The following CD84 variants were observed in gnomAD, a reference collection of about 807,000 sequenced individuals.
CD84 encodes the protein CD84 molecule.
In CD84, 22 loss-of-function variants were observed where a neutral mutation model predicts 33.8. The observed-to-expected ratio is 0.65, with a 90% CI of 0.46 to 0.93. The LOEUF (loss-of-function observed/expected upper bound fraction) is 0.93, where lower values mean the gene tolerates loss of function less well. CD84 is among the 40% of genes least tolerant of loss of function. The pLI, the probability that CD84 is intolerant of heterozygous loss-of-function variation, is 0.00. For missense variants in CD84, 400 were observed against 397.6 expected, an observed-to-expected ratio of 1.01 and a Z score of -0.05; for synonymous variants, 154 against 145.2, an observed-to-expected ratio of 1.06 and a Z score of -0.44.
Position 160,553,499 on chromosome 1 carries a change from T to G in CD84, c.641-2A>C. 1 of 1,614,046 alleles carries G rather than the reference T, an allele frequency of 6.2e-7. No individual in the cohort carries two copies. Among genetic ancestry groups the G allele is most frequent in the Non-Finnish European group, 8.5e-7 (1 of 1,179,972 alleles). ...GAGTACGGAAGCCCATTGCGATGTC[T>G]GGAAATAGAAGATGCAGTGAGTCTT... On this transcript the variant is annotated splice_acceptor_variant, in intron 3 of 6. Coordinates refer to ENST00000368054, the MANE Select transcript of CD84 (RefSeq NM_003874.4). LOFTEE classifies it high-confidence loss of function.
At position 160,543,089 on chromosome 1, in the gene CD84, G is replaced by C. The variant is rs1176238561; in HGVS notation, c.*5167C>G. The C allele has an allele frequency of 6.6e-6, 1 of 152,206 alleles. No homozygotes were observed. Among genetic ancestry groups the C allele is most frequent in the East Asian group, 1.9e-4 (1 of 5,188 alleles). 9.4% of individuals were successfully genotyped at this position (152,206 alleles called of 1,614,324 possible). A position where few individuals can be genotyped will look rare whatever the true frequency, so the allele number is the denominator to read the frequency against. ...CCTGCCTGTCCAAAATGCATATAGA[G>C]AGCTCTATCCAACCTTCTTTAATTA... On this transcript the variant is annotated 3_prime_UTR_variant, in exon 7 of 7. Coordinates refer to ENST00000368054, the MANE Select transcript of CD84 (RefSeq NM_003874.4).
At position 160,556,825 on chromosome 1, in the gene CD84, T is replaced by C. The variant is rs1372048933; in HGVS notation, c.389-2679A>G. Among the ~76,000 whole-genome samples the C allele has an allele frequency of 5.3e-5, 8 of 152,218 alleles. No individual in the cohort carries two copies. The East Asian group carries it at 5.8e-4, about 11-fold the overall frequency. On this transcript the variant is annotated intron_variant, in intron 2 of 6. Transcript: ENST00000368054. ...CACGTGGTAGAAGACTTTCTGAAGA[T>C]TGGGTAGGCAAAATTAAACATATAA...
chr1:160,550,498 C>T (rs1571346655), intron 5 of CD84: 2 of 405,326 alleles, frequency 4.9e-6, no homozygotes, highest in South Asian at 1.0e-4. Flanking sequence ...GAAAGCAAGC[C>T]GCTGCTGCTA....
At chr1:160,577,685 G>A (rs750281297) in intron 1 of CD84, among the ~76,000 whole-genome samples, 39 of 152,142 alleles carry the variant, frequency 2.6e-4, no homozygotes, top group Non-Finnish European at 4.0e-4. Context: ...AAAAGCGAGT[G>A]TGAAAAATAG....
chr1:160,548,421 G>C lies in CD84; in HGVS notation c.922-100C>G, dbSNP rs1655965329. On this transcript the variant is annotated intron_variant, in intron 6 of 6. Transcript: ENST00000368054. ...GAGGAGTTAAGCAAATGGCACGGGG[G>C]AATGCCTTAGATTTGCCTCATGCTG... The C allele has an allele frequency of 6.6e-6, 8 of 1,203,468 alleles. 2 individuals carry two copies. The South Asian group carries it at 1.0e-4, about 15-fold the overall frequency. 74.5% of individuals were successfully genotyped at this position (1,203,468 alleles called of 1,614,324 possible).
At chr1:160,551,324 A>T in intron 4 of CD84, 1 of 363,236 alleles carries the variant, frequency 2.8e-6, no homozygotes, top group Non-Finnish European at 5.1e-6. Flanking sequence ...TCTTCTACCC[A>T]GGATCTCCCT....
At chr1:160,550,805 T>C (rs1656163014) in intron 5 of CD84, 133 bp downstream of exon 5, 1 of 1,527,320 alleles carries the variant, frequency 6.5e-7, no homozygotes, top group East Asian at 2.3e-5. Context: ...TGACATGGTA[T>C]TTCCTGGTTG....
chr1:160,549,332 G>A (rs190131221), intron 6 of CD84, among the ~76,000 whole-genome samples: 2 of 152,276 alleles, frequency 1.3e-5, no homozygotes, highest in African/African-American at 4.8e-5. Context: ...TAGCAGCAGT[G>A]AGGACCTTCA....
intron 2 of CD84, 81 bp from the exon 3 acceptor site, chr1:160,554,227 G>T: frequency 7.6e-7 from 1 of 1,312,002 alleles, no homozygotes; most frequent in East Asian, 2.7e-5. Flanking sequence ...TAAATTCTCA[G>T]AAATTTGCAA....
Position 160,549,939 on chromosome 1 carries a change from G to A in CD84, c.899C>T (p.Ser300Phe), listed in dbSNP as rs1312491032. ...SKEEPVNTVYSEVQFADKMGK... is the reference protein window; with the variant it reads ...SKEEPVNTVYFEVQFADKMGK... ...TACCTTATCAGCAAACTGCACTTCG[G>A]AATAAACTGTGTTCACTGGCTCTTC... Residue 300 changes from serine to phenylalanine, a missense_variant, in exon 6 of 7, where the codon TCC (serine) becomes TTC (phenylalanine). By Grantham distance (155) the Ser-to-Phe change is radical. Coordinates refer to ENST00000368054, the MANE Select transcript of CD84 (RefSeq NM_003874.4). 1.2e-6 allele frequency: 2 copies of A among 1,613,016 alleles called. No homozygotes were observed. The highest frequency in any genetic ancestry group is 1.7e-6 in the Non-Finnish European group (2 of 1,179,172).
Position 160,579,256 on chromosome 1 carries a change from G to A in CD84, c.46+136C>T. On this transcript the variant is annotated intron_variant, in intron 1 of 6. Transcript: ENST00000368054. ...GTCTCTCCCCAGCCAGTTGGATCCTGTTGAGTACAGTAGATACTGAGACCC... is the reference window on the plus strand; with the variant it reads ...GTCTCTCCCCAGCCAGTTGGATCCTATTGAGTACAGTAGATACTGAGACCC... The A allele has an allele frequency of 2.6e-6, 3 of 1,166,660 alleles. No homozygotes were observed. In the South Asian group the frequency reaches 4.8e-5, roughly 19 times the overall value. 72.3% of individuals were successfully genotyped at this position (1,166,660 alleles called of 1,614,324 possible).
At chr1:160,559,803 GA>G (rs1026437818) in intron 2 of CD84, among the ~76,000 whole-genome samples, 4 of 151,886 alleles carry the variant, frequency 2.6e-5, no homozygotes, top group African/African-American at 9.7e-5. Context: ...AAGCAAATGG[GA>G]AACAGAAAAA....
Position 160,579,387 on chromosome 1 carries a change from C to T in CD84, c.46+5G>A. ...AGGAGGCGATCAGCAAGGGTCAGAA[C>T]TCACAGGTTTGCAGGCAAAGGAGCA... is the stretch of plus-strand genomic sequence containing the variant. On this transcript the variant is annotated splice_donor_5th_base_variant and intron_variant, in intron 1 of 6. Transcript: ENST00000368054. The T allele has an allele frequency of 1.9e-6, 3 of 1,613,140 alleles. No homozygotes were observed. The highest frequency in any genetic ancestry group is 2.5e-6 in the Non-Finnish European group (3 of 1,179,364).
intron 1 of CD84, among the ~76,000 whole-genome samples, chr1:160,568,950 TA>T (rs1374651800): frequency 5.9e-5 from 9 of 152,224 alleles, no homozygotes; most frequent in Non-Finnish European, 1.3e-4. Flanking sequence ...ATGAAAATAA[TA>T]ATTATGCTAT....
At chr1:160,579,105 A>G (rs951038364) in intron 1 of CD84, among the ~76,000 whole-genome samples, 10 of 152,148 alleles carry the variant, frequency 6.6e-5, no homozygotes, top group African/African-American at 2.4e-4. Flanking sequence ...TGGGTTTACC[A>G]AGTGCTGATT....
At position 160,554,235 on chromosome 1, in the gene CD84, C is replaced by A. The variant is rs144788623; in HGVS notation, c.389-89G>T. ...CAATTGTTAAATTCTCAGAAATTTG[C>A]AAGCCATCATTAAAAATTAAATTAT... On this transcript the variant is annotated intron_variant, in intron 2 of 6. Transcript: ENST00000368054. 128 of 1,267,904 alleles carry A rather than the reference C, an allele frequency of 1.0e-4. No homozygotes were observed. The African/African-American group carries it at 1.7e-3, about 17-fold the overall frequency. The allele number at this position is 1,267,904 out of a possible 1,614,324, so 78.5% of individuals were successfully genotyped here. A position where few individuals can be genotyped will look rare whatever the true frequency, so the allele number is the denominator to read the frequency against.
rs141238057 is a variant in CD84, at chr1:160,549,934, C to G, written c.904G>C (p.Val302Leu). 3.7e-6 allele frequency: 6 copies of G among 1,613,034 alleles called. No homozygotes were observed. The highest frequency in any genetic ancestry group is 5.1e-6 in the Non-Finnish European group (6 of 1,179,042). Residue 302 changes from valine (V) to leucine (L), a missense_variant, in exon 6 of 7, where the codon GTG becomes CTG. Physicochemically the swap from Val to Leu is conservative, Grantham distance 32 (BLOSUM62 1). Transcript: ENST00000368054. ...GGGGTTACCTTATCAGCAAACTGCA[C>G]TTCGGAATAAACTGTGTTCACTGGC... ...EEPVNTVYSE[V>L]QFADKMGKAS...
At chr1:160,575,669 T>C (rs1404607905) in intron 1 of CD84, among the ~76,000 whole-genome samples, 1 of 152,178 alleles carries the variant, frequency 6.6e-6, no homozygotes, top group Non-Finnish European at 1.5e-5. Context: ...TGATTGCTCA[T>C]ACCTCTTTCC....
intron 5 of CD84, among the ~76,000 whole-genome samples, 185 bp from the exon 6 acceptor site, chr1:160,550,164 G>A (rs1188021567): frequency 6.6e-6 from 1 of 151,824 alleles, no homozygotes; most frequent in African/African-American, 2.4e-5. Context: ...GATAAGGTGG[G>A]GGTGAATGGG....
Sources: allele counts gnomAD v4.1 joint callset (sites outside exome capture counted in the v4.1 genomes callset), GRCh38; gene constraint gnomAD v4.1.1; transcripts MANE v1.5; gene names NCBI Gene and HGNC (gene_info 2026-07-23, HGNC 2026-07-21).